The following UHRF2 variants were observed in gnomAD, a reference collection of about 807,000 sequenced individuals.
The protein encoded by UHRF2 is E3 ubiquitin-protein ligase UHRF2.
In UHRF2, 23 loss-of-function variants were observed where a neutral mutation model predicts 96.8. That is an observed-to-expected ratio of 0.24 (90% confidence interval 0.17 to 0.34). The LOEUF (loss-of-function observed/expected upper bound fraction) is 0.34. Ranked by LOEUF, UHRF2 falls within the 10% of genes least tolerant of loss-of-function variation. The probability of loss-of-function intolerance (pLI) is 1.00; values close to 1 mark genes in which losing one functional copy is unlikely to be tolerated. For missense variants in UHRF2, 685 were observed against 981.5 expected (o/e 0.70, Z 4.04); for synonymous variants, 385 against 332.6 (o/e 1.16, Z -1.72).
intron 9 of UHRF2, 80 bp downstream of exon 9, chr9:6,487,005 A>T: frequency 1.5e-6 from 2 of 1,314,428 alleles, no homozygotes; most frequent in Non-Finnish European, 2.2e-6. Flanking sequence ...AGGATACATC[A>T]AATACTGTTG....
chr9:6,449,103 A>G (rs962403101), intron 3 of UHRF2, among the ~76,000 whole-genome samples: 17 of 152,170 alleles, frequency 1.1e-4, no homozygotes, highest in African/African-American at 4.1e-4. Flanking sequence ...AAATGGCCTC[A>G]TTTGTGGCCC....
intron 3 of UHRF2, among the ~76,000 whole-genome samples, chr9:6,459,042 G>C (rs1046862608): frequency 4.6e-5 from 7 of 152,068 alleles, no homozygotes; most frequent in African/African-American, 1.5e-4. Context: ...GCAGGGAGGG[G>C]AACATAACAC....
chr9:6,432,666 C>T (rs140815214), intron 2 of UHRF2, among the ~76,000 whole-genome samples: 1 of 152,288 alleles, frequency 6.6e-6, no homozygotes, highest in Non-Finnish European at 1.5e-5. Flanking sequence ...ACTTACTTCT[C>T]CCACGAGGTA....
At chr9:6,480,584 C>G (rs1823866687) in intron 6 of UHRF2, among the ~76,000 whole-genome samples, 1 of 152,202 alleles carries the variant, frequency 6.6e-6, no homozygotes, top group African/African-American at 2.4e-5. Flanking sequence ...ATCATGTTGT[C>G]TGGATATTTA....
intron 1 of UHRF2, among the ~76,000 whole-genome samples, chr9:6,416,173 C>G (rs565610846): frequency 1.3e-5 from 2 of 152,246 alleles, no homozygotes; most frequent in Non-Finnish European, 2.9e-5. Flanking sequence ...AAGCGATTCC[C>G]CTGCCGCAGT....
intron 4 of UHRF2, among the ~76,000 whole-genome samples, chr9:6,466,815 T>C (rs1429176555): frequency 6.6e-6 from 1 of 152,234 alleles, no homozygotes; most frequent in Non-Finnish European, 1.5e-5. Flanking sequence ...TTGTACTTGA[T>C]GTTCCCTCCT....
At chr9:6,467,339 T>C (rs905319104) in intron 4 of UHRF2, among the ~76,000 whole-genome samples, 1 of 152,180 alleles carries the variant, frequency 6.6e-6, no homozygotes, top group African/African-American at 2.4e-5. Context: ...TCCCCTGTGA[T>C]TATATTGGAT....
intron 3 of UHRF2, among the ~76,000 whole-genome samples, chr9:6,458,294 T>C (rs1453668632): frequency 1.3e-5 from 2 of 152,028 alleles, no homozygotes; most frequent in East Asian, 1.9e-4. Flanking sequence ...ATTTGTGTAG[T>C]ATTCTCTGAT....
chr9:6,430,797 C>T (rs929050378), intron 2 of UHRF2, among the ~76,000 whole-genome samples: 1 of 152,202 alleles, frequency 6.6e-6, no homozygotes, highest in South Asian at 2.1e-4. Context: ...TTCCCCTGTT[C>T]CCTCTGCCTC....
At chr9:6,502,908 T>C (rs1360431919) in intron 14 of UHRF2, among the ~76,000 whole-genome samples, 1 of 152,250 alleles carries the variant, frequency 6.6e-6, no homozygotes, top group Admixed American at 6.5e-5. Flanking sequence ...TTGACTTTAA[T>C]GATCCATGTT....
chr9:6,471,590 G>C (rs1823242838), intron 4 of UHRF2, among the ~76,000 whole-genome samples: 1 of 152,180 alleles, frequency 6.6e-6, no homozygotes, highest in Admixed American at 6.5e-5. Context: ...TATCCAGGCA[G>C]CTTTTTTATT....
At chr9:6,505,489 G>T (rs966038962) in intron 15 of UHRF2, among the ~76,000 whole-genome samples, 27 of 152,220 alleles carry the variant, frequency 1.8e-4, no homozygotes, top group African/African-American at 6.0e-4. Flanking sequence ...TAGAGACAGG[G>T]TTTCACCATG....
chr9:6,485,109 G>T (rs992228090), intron 8 of UHRF2, among the ~76,000 whole-genome samples: 10 of 151,968 alleles, frequency 6.6e-5, no homozygotes, highest in Non-Finnish European at 1.2e-4. Flanking sequence ...ACTTCTTTCT[G>T]TGGAAGATGA....
chr9:6,487,769 TG>T (rs1158043902), intron 9 of UHRF2, among the ~76,000 whole-genome samples: 3 of 152,262 alleles, frequency 2.0e-5, no homozygotes, highest in African/African-American at 7.2e-5. Flanking sequence ...CCCAAACTGC[TG>T]GGATTATAGG....
At chr9:6,505,069 G>A (rs1040557234) in intron 15 of UHRF2, among the ~76,000 whole-genome samples, 2 of 152,052 alleles carry the variant, frequency 1.3e-5, no homozygotes, top group Non-Finnish European at 2.9e-5. Context: ...CAGATGAATT[G>A]AATATTGTGT....
rs148277546 is a variant in UHRF2, at chr9:6,483,552, A to G, written c.1392+1453A>G. On this transcript the variant is annotated intron_variant, in intron 8 of 15. Coordinates refer to ENST00000276893, the MANE Select transcript of UHRF2 (RefSeq NM_152896.3). ...ACAGCCGTCTGTTTATTTTTCCCAA[A>G]TATTTTTTACTCTCTCGACTTGGCA... 3.5e-3 allele frequency among the ~76,000 whole-genome samples: 536 copies of G among 152,288 alleles called. 5 individuals carry two copies. Among genetic ancestry groups the G allele is most frequent in the African/African-American group, 0.012 (512 of 41,554 alleles).
chr9:6,486,097 AT>A (rs1227918970), intron 8 of UHRF2, among the ~76,000 whole-genome samples: 2 of 152,224 alleles, frequency 1.3e-5, no homozygotes, highest in African/African-American at 2.4e-5. Context: ...GTAATAAATC[AT>A]GTTGACTTGG....
chr9:6,420,050 C>T (rs1236740198), intron 1 of UHRF2, among the ~76,000 whole-genome samples: 1 of 151,642 alleles, frequency 6.6e-6, no homozygotes, highest in Non-Finnish European at 1.5e-5. Context: ...AGCCCAGCCT[C>T]CCCCGCCACC....
At chr9:6,489,052 C>T (rs184281053) in intron 9 of UHRF2, among the ~76,000 whole-genome samples, 1 of 151,374 alleles carries the variant, frequency 6.6e-6, no homozygotes, top group East Asian at 2.0e-4. Context: ...TCAAGTGACC[C>T]GCCTACCTCA....
Sources: allele counts gnomAD v4.1 joint callset (sites outside exome capture counted in the v4.1 genomes callset), GRCh38; gene constraint gnomAD v4.1.1; transcripts MANE v1.5; gene names NCBI Gene and HGNC (gene_info 2026-07-23, HGNC 2026-07-21).